VDAC1: variants seen among roughly 807,000 people sequenced by gnomAD.
VDAC1 encodes non-selective voltage-gated ion channel VDAC1.
A neutral mutation model predicts 34.7 loss-of-function variants in VDAC1; 10 were observed. The observed-to-expected ratio is 0.29, with a 90% CI of 0.18 to 0.49. The LOEUF is 0.49. Among genes scored for constraint, VDAC1 ranks in the 20% least tolerant of loss-of-function variants. The pLI, the probability that VDAC1 is intolerant of heterozygous loss-of-function variation, is 0.99. For synonymous variants in VDAC1, 130 were observed against 136.0 expected, an observed-to-expected ratio of 0.96 and a Z score of 0.30; for missense variants, 230 against 347.9, an observed-to-expected ratio of 0.66 and a Z score of 2.69.
intron 5 of VDAC1, among the ~76,000 whole-genome samples, chr5:133,985,229 G>A (rs908732296): frequency 9.9e-5 from 15 of 152,166 alleles, no homozygotes; most frequent in African/African-American, 3.6e-4. Flanking sequence ...GGGAGTAGGT[G>A]TGCACAGACC....
At chr5:134,020,155 TC>T in the VDAC1 span, among the ~76,000 whole-genome samples, 2 of 151,744 alleles carry the variant, frequency 1.3e-5, no homozygotes, top group South Asian at 4.2e-4. Context: ...ACTCATTCAG[TC>T]CCACCTTTTT....
the VDAC1 span, among the ~76,000 whole-genome samples, chr5:134,060,225 G>T: frequency 6.6e-6 from 1 of 151,856 alleles, no homozygotes; most frequent in Non-Finnish European, 1.5e-5. Flanking sequence ...AATAATACTG[G>T]TCACCACTGA....
At chr5:134,078,528 G>C in the VDAC1 span, among the ~76,000 whole-genome samples, 1 of 152,144 alleles carries the variant, frequency 6.6e-6, no homozygotes, top group African/African-American at 2.4e-5. Flanking sequence ...GGGGAGCAAG[G>C]ATGAGTTCTG....
chr5:133,996,051 G>A (rs1753290952), intron 1 of VDAC1, among the ~76,000 whole-genome samples: 1 of 152,226 alleles, frequency 6.6e-6, no homozygotes, highest in African/African-American at 2.4e-5. Context: ...TCTAGAGGCT[G>A]CGCATGAAGC....
the VDAC1 span, among the ~76,000 whole-genome samples, chr5:134,011,639 CTTTT>C: frequency 7.4e-6 from 1 of 135,070 alleles, no homozygotes. Context: ...ATCACAAGTT[CTTTT>C]TTTTTTTTTT....
At chr5:134,014,550 T>C in the VDAC1 span, among the ~76,000 whole-genome samples, 1 of 152,064 alleles carries the variant, frequency 6.6e-6, no homozygotes, top group Non-Finnish European at 1.5e-5. Context: ...GAACTAAAAA[T>C]AGAACTACCA....
At chr5:134,042,599 T>C in the VDAC1 span, among the ~76,000 whole-genome samples, 3 of 152,172 alleles carry the variant, frequency 2.0e-5, no homozygotes, top group African/African-American at 7.2e-5. Context: ...GTTCAAGCGA[T>C]TCTCCTGCCT....
At chr5:134,021,983 C>A in the VDAC1 span, among the ~76,000 whole-genome samples, 329 of 151,408 alleles carry the variant, frequency 2.2e-3, 1 homozygote, top group African/African-American at 7.4e-3. Context: ...CTTCTCCAAG[C>A]GATTCTCCTG....
At chr5:134,060,880 CT>C in the VDAC1 span, among the ~76,000 whole-genome samples, 59 of 98,660 alleles carry the variant, frequency 6.0e-4, no homozygotes, top group Non-Finnish European at 5.8e-4. Context: ...TCTTCTTCTT[CT>C]TTTTTTTTTT....
At chr5:133,999,426 C>T (rs1215039641) in intron 1 of VDAC1, among the ~76,000 whole-genome samples, 1 of 152,222 alleles carries the variant, frequency 6.6e-6, no homozygotes, top group Non-Finnish European at 1.5e-5. Flanking sequence ...ACACTGGATA[C>T]TCTGTCTGCC....
intron 1 of VDAC1, among the ~76,000 whole-genome samples, chr5:133,998,254 A>G (rs2127007005): frequency 6.6e-6 from 1 of 152,320 alleles, no homozygotes; most frequent in Non-Finnish European, 1.5e-5. Flanking sequence ...TGGCTTAGAT[A>G]CGCTTCTGGA....
chr5:134,104,363 G>A, the VDAC1 span, among the ~76,000 whole-genome samples: 1 of 152,254 alleles, frequency 6.6e-6, no homozygotes, highest in Non-Finnish European at 1.5e-5. Flanking sequence ...GGGCATCCCT[G>A]AGCGGGTGAG....
the VDAC1 span, among the ~76,000 whole-genome samples, chr5:134,075,741 G>T: frequency 6.6e-6 from 1 of 151,860 alleles, no homozygotes; most frequent in African/African-American, 2.4e-5. Context: ...GTGCCACCAG[G>T]CCCGGCTAAT....
chr5:134,026,832 T>C, the VDAC1 span, among the ~76,000 whole-genome samples: 1 of 152,176 alleles, frequency 6.6e-6, no homozygotes, highest in Non-Finnish European at 1.5e-5. Flanking sequence ...CAAGACAGAT[T>C]TTCCCCTGTG....
the VDAC1 span, among the ~76,000 whole-genome samples, chr5:134,097,277 G>GA: frequency 6.6e-6 from 1 of 152,110 alleles, no homozygotes; most frequent in African/African-American, 2.4e-5. Flanking sequence ...TACAATAAAA[G>GA]AAAAACTCCT....
the VDAC1 span, among the ~76,000 whole-genome samples, chr5:134,100,182 T>C: frequency 6.6e-6 from 1 of 152,218 alleles, no homozygotes; most frequent in Non-Finnish European, 1.5e-5. Context: ...GCCAGGAGTA[T>C]AGACCCTAGC....
chr5:134,013,181 C>T, the VDAC1 span, among the ~76,000 whole-genome samples: 4 of 152,080 alleles, frequency 2.6e-5, no homozygotes, highest in East Asian at 1.9e-4. Context: ...GCATCAACCG[C>T]GGCAAAGAAT....
At chr5:134,012,063 GA>G in the VDAC1 span, among the ~76,000 whole-genome samples, 46 of 151,946 alleles carry the variant, frequency 3.0e-4, no homozygotes, top group Middle Eastern at 3.4e-3. Context: ...GAGAAAGAAA[GA>G]AAAAAAGAAG....
chr5:134,083,314 G>C, the VDAC1 span, among the ~76,000 whole-genome samples: 1 of 150,310 alleles, frequency 6.7e-6, no homozygotes, highest in South Asian at 2.1e-4. Context: ...TCAGCCTCCC[G>C]AGTAGCTGGG....
Sources: allele counts gnomAD v4.1 joint callset (sites outside exome capture counted in the v4.1 genomes callset), GRCh38; gene constraint gnomAD v4.1.1; transcripts MANE v1.5; gene names NCBI Gene and HGNC (gene_info 2026-07-23, HGNC 2026-07-21).